The following USP13 variants were observed in gnomAD, a reference collection of about 807,000 sequenced individuals.
USP13 encodes the protein ubiquitin specific peptidase 13.
USP13 carries 68 observed loss-of-function variants against 107.8 expected under a neutral mutation model. The observed-to-expected ratio is 0.63, with a 90% CI of 0.52 to 0.77. The LOEUF (loss-of-function observed/expected upper bound fraction) is 0.77, where lower values mean the gene tolerates loss of function less well. Among genes scored for constraint, USP13 ranks in the 30% least tolerant of loss-of-function variants. USP13 has a pLI of 0.00. For missense variants in USP13, 945 were observed against 1,093.3 expected, an observed-to-expected ratio of 0.86 and a Z score of 1.91; for synonymous variants, 377 against 389.5, an observed-to-expected ratio of 0.97 and a Z score of 0.38.
chr3:179,727,490 C>T (rs1293783293), intron 8 of USP13, among the ~76,000 whole-genome samples: 2 of 113,338 alleles, frequency 1.8e-5, no homozygotes, highest in Non-Finnish European at 3.8e-5. Flanking sequence ...GGGGTAAGGT[C>T]ACAGATCAAC....
chr3:179,775,341 T>G lies in USP13; in HGVS notation c.2414-6398T>G, dbSNP rs181216547. Among the ~76,000 whole-genome samples, 279 of 152,276 alleles carry G rather than the reference T, an allele frequency of 1.8e-3. 3 individuals are homozygous for G. The highest frequency in any genetic ancestry group is 3.4e-3 in the Middle Eastern group (1 of 294). ...TAGCTAGACACAGAGTACTGATCGG[T>G]GCATCCATGAACCCCAAGCTAGACA... On this transcript the variant is annotated intron_variant, in intron 19 of 20. Transcript: ENST00000263966.
intron 14 of USP13, among the ~76,000 whole-genome samples, chr3:179,753,179 T>G (rs1714669980): frequency 6.6e-6 from 1 of 152,236 alleles, no homozygotes; most frequent in Non-Finnish European, 1.5e-5. Context: ...AACTCAATCT[T>G]ACGCTGGTTA....
intron 13 of USP13, among the ~76,000 whole-genome samples, 167 bp from the exon 14 acceptor site, chr3:179,752,118 G>C (rs1298455995): frequency 6.6e-6 from 1 of 152,230 alleles, no homozygotes; most frequent in African/African-American, 2.4e-5. Context: ...ATGAGCAGGG[G>C]AGAGCGAATG....
rs909503806 is a variant in USP13 at position 179,788,493 on chromosome 3, A to C, written c.*4352A>C. ...TGTTCAAATCGAGACTGTGTTGTAC[A>C]CATACAATACACACCAGATTTTGAA... On this transcript the variant is annotated 3_prime_UTR_variant, in exon 21 of 21. Coordinates refer to ENST00000263966, the MANE Select transcript of USP13 (RefSeq NM_003940.3). 6.6e-6 allele frequency: 1 copy of C among 152,240 alleles called. No homozygotes were observed. Among genetic ancestry groups the C allele is most frequent in the South Asian group, 2.1e-4 (1 of 4,830 alleles). The allele number at this position is 152,240 out of a possible 1,614,324, so 9.4% of individuals were successfully genotyped here.
intron 5 of USP13, among the ~76,000 whole-genome samples, chr3:179,708,248 C>T (rs1712792889): frequency 6.6e-6 from 1 of 152,084 alleles, no homozygotes; most frequent in Non-Finnish European, 1.5e-5. Flanking sequence ...AGGGGCTAGT[C>T]CACATCTGGG....
chr3:179,699,415 T>C (rs1712429090), intron 3 of USP13, among the ~76,000 whole-genome samples: 1 of 152,204 alleles, frequency 6.6e-6, no homozygotes, highest in African/African-American at 2.4e-5. Context: ...TTAGAATCTT[T>C]TATTAAAACA....
intron 16 of USP13, 96 bp downstream of exon 16, chr3:179,757,174 CGT>C (rs897709930): frequency 1.8e-5 from 25 of 1,385,100 alleles, no homozygotes; most frequent in Non-Finnish European, 2.4e-5. Flanking sequence ...TTGTTCTGTA[CGT>C]GTGTGTGTGC....
At position 179,654,147 on chromosome 3, in the gene USP13, G is replaced by A. The variant is rs563107296; in HGVS notation, c.168+754G>A. The stretch of plus-strand genomic sequence containing the variant: ...GAGAATCGCTTGAACCGGGAAGGAG[G>A]AGGCTGTAGTGGGCCGAGATCGCGC... On this transcript the variant is annotated intron_variant, in intron 1 of 20. Coordinates refer to ENST00000263966, the MANE Select transcript of USP13 (RefSeq NM_003940.3). 6.0e-5 allele frequency among the ~76,000 whole-genome samples: 9 copies of A among 151,006 alleles called. No homozygotes were observed. In the South Asian group the frequency reaches 1.7e-3, roughly 28 times the overall value.
intron 2 of USP13, among the ~76,000 whole-genome samples, chr3:179,688,073 C>G (rs140944907): frequency 2.0e-5 from 3 of 152,180 alleles, no homozygotes; most frequent in Non-Finnish European, 2.9e-5. Flanking sequence ...TCCCTGTAAT[C>G]AGGATATCCA....
intron 13 of USP13, among the ~76,000 whole-genome samples, chr3:179,746,432 T>A (rs7609575): frequency 0.38 from 56,880 of 149,892 alleles, 12,273 homozygotes; most frequent in East Asian, 0.65. Flanking sequence ...TTTTGTATAT[T>A]TTTTTTTGTT....
In USP13 at chr3:179,675,036, A is replaced by G. The variant is rs564516492; in HGVS notation, c.169-6842A>G. On this transcript the variant is annotated intron_variant, in intron 1 of 20. Coordinates refer to ENST00000263966, the MANE Select transcript of USP13 (RefSeq NM_003940.3). Reference sequence around the variant, plus strand: ...TAAAAATACAAAAAATTAGCCAGGCATGGTGGCGGGCGCCTGTAGTCCCAG... The same window carrying G: ...TAAAAATACAAAAAATTAGCCAGGCGTGGTGGCGGGCGCCTGTAGTCCCAG... 3.9e-5 allele frequency among the ~76,000 whole-genome samples: 6 copies of G among 152,166 alleles called. No homozygotes were observed. In the East Asian group the frequency reaches 7.7e-4, roughly 20 times the overall value.
chr3:179,681,801 C>G, intron 1 of USP13, 77 bp from the exon 2 acceptor site: 1 of 1,515,720 alleles, frequency 6.6e-7, no homozygotes, highest in Non-Finnish European at 8.9e-7. Context: ...CGTTTGCCTT[C>G]CTTCCCTTTC....
At position 179,681,949 on chromosome 3, in the gene USP13, T is replaced by C. The variant is rs1358496540; in HGVS notation, c.240T>C (p.His80=). ...LAFGREHVER[H]FRKTGQSVYM... is the part of the protein sequence containing the mutation. ...TTGGAAGGGAACATGTTGAAAGACATTTTCGAAAAACTGGACAGAGTGTAT... is the reference window on the plus strand; with the variant it reads ...TTGGAAGGGAACATGTTGAAAGACACTTTCGAAAAACTGGACAGAGTGTAT... The change falls in exon 2 of 21, where the codon CAT becomes CAC. Residue 80 remains histidine, a synonymous_variant. Coordinates refer to ENST00000263966, the MANE Select transcript of USP13 (RefSeq NM_003940.3). The C allele has an allele frequency of 1.9e-6, 3 of 1,613,900 alleles. No homozygotes were observed. The highest frequency in any genetic ancestry group is 1.3e-5 in the African/African-American group (1 of 74,888).
At chr3:179,723,528 AG>A (rs1395446521) in intron 8 of USP13, among the ~76,000 whole-genome samples, 1 of 152,212 alleles carries the variant, frequency 6.6e-6, no homozygotes, top group African/African-American at 2.4e-5. Flanking sequence ...GAGCCTATGA[AG>A]AAGGGACACA....
At position 179,663,002 on chromosome 3, in the gene USP13, A is replaced by C. The variant is rs79412755; in HGVS notation, c.168+9609A>C. On this transcript the variant is annotated intron_variant, in intron 1 of 20. Transcript: ENST00000263966. Reference sequence around the variant, plus strand: ...ATAAAATACATATAACATAAACTTTACCATCTTAACCATTTTAAAATGTAC... The same window carrying C: ...ATAAAATACATATAACATAAACTTTCCCATCTTAACCATTTTAAAATGTAC... Among the ~76,000 whole-genome samples the C allele has an allele frequency of 2.6e-5, 4 of 152,312 alleles. No homozygotes were observed. In the East Asian group the frequency reaches 5.8e-4, roughly 22 times the overall value.
At position 179,742,104 on chromosome 3, in the gene USP13, A is replaced by G. The variant is rs1175891484; in HGVS notation, c.1381-93A>G. 2.7e-6 allele frequency: 4 copies of G among 1,486,058 alleles called. No individual in the cohort carries two copies. The highest frequency in any genetic ancestry group is 3.7e-5 in the Admixed American group (2 of 54,476). 92.1% of individuals were successfully genotyped at this position (1,486,058 alleles called of 1,614,324 possible). A position where few individuals can be genotyped will look rare whatever the true frequency, so the allele number is the denominator to read the frequency against. On this transcript the variant is annotated intron_variant, in intron 11 of 20. Coordinates refer to ENST00000263966, the MANE Select transcript of USP13 (RefSeq NM_003940.3). The surrounding 1 kb of genome is among the most constrained non-coding windows in gnomAD (Gnocchi z 5.0). Reference sequence around the variant, plus strand: ...GCCAGAGGAAATGTTTAATAAAGCCAAGTGTTTACACCGGGTTTAGAGTTC... The same window carrying G: ...GCCAGAGGAAATGTTTAATAAAGCCGAGTGTTTACACCGGGTTTAGAGTTC...
rs911903799 is a variant in USP13, at chr3:179,678,066, T to C, written c.169-3812T>C. Among the ~76,000 whole-genome samples the C allele has an allele frequency of 6.6e-6, 1 of 152,196 alleles. No homozygotes were observed. The highest frequency in any genetic ancestry group is 2.4e-5 in the African/African-American group (1 of 41,450). ...TGTTTATAGAGGAGAACACTGGAGCTCAGAGCCCTATATGGCAGCCTGCCT... is the reference window on the plus strand; with the variant it reads ...TGTTTATAGAGGAGAACACTGGAGCCCAGAGCCCTATATGGCAGCCTGCCT... On this transcript the variant is annotated intron_variant, in intron 1 of 20. Coordinates refer to ENST00000263966, the MANE Select transcript of USP13 (RefSeq NM_003940.3). The surrounding 1 kb of genome is among the most constrained non-coding windows in gnomAD (Gnocchi z 4.2).
intron 6 of USP13, among the ~76,000 whole-genome samples, chr3:179,714,754 C>T (rs1713047369): frequency 6.6e-6 from 1 of 152,240 alleles, no homozygotes; most frequent in South Asian, 2.1e-4. Context: ...AATATTGGCT[C>T]CTCTGATTTA....
At chr3:179,754,697 A>G (rs1382902564) in intron 14 of USP13, 35 bp from the exon 15 acceptor site, 1 of 1,602,294 alleles carries the variant, frequency 6.2e-7, no homozygotes, top group South Asian at 1.1e-5. Context: ...GTGATTATGG[A>G]GAGCCCAGTG....
Sources: gnomAD v4.1 joint callset for allele counts (sites outside exome capture counted in the v4.1 genomes callset) on GRCh38, gnomAD v4.1.1 for gene constraint, Gnocchi (gnomAD v3.1) non-coding constraint, MANE v1.5 for transcripts, NCBI Gene and HGNC (gene_info 2026-07-23, HGNC 2026-07-21) for gene names.